Variants in FERMT1 observed in about 807,000 individuals in gnomAD.
FERMT1 encodes the protein FERM domain containing kindlin 1.
A neutral mutation model predicts 85.3 loss-of-function variants in FERMT1; 60 were observed. The ratio of observed to expected loss-of-function variants is 0.70; its 90% CI spans 0.57 to 0.87. The LOEUF (loss-of-function observed/expected upper bound fraction) is 0.87. Ranked by LOEUF, FERMT1 falls within the 40% of genes least tolerant of loss-of-function variation. The probability of loss-of-function intolerance (pLI) is 0.00; values close to 1 mark genes in which losing one functional copy is unlikely to be tolerated. For missense variants in FERMT1, 701 were observed against 818.9 expected (o/e 0.86, Z 1.76); for synonymous variants, 275 against 301.1 (o/e 0.91, Z 0.90).
At position 6,078,641 on chromosome 20, in the gene FERMT1, T is replaced by TG. The variant is rs201629384; in HGVS notation, c.1860+794_1860+795insC. ...CACCTGGCTAGTTCAGCGTTTTTTT[T>TG]TTTTGTTTTTTTTTTTTTTAATTTT... On this transcript the variant is annotated intron_variant, in intron 14 of 14. Transcript: ENST00000217289. Among the ~76,000 whole-genome samples the TG allele has an allele frequency of 7.5e-3, 1,039 of 139,172 alleles. 12 individuals carry two copies. Among genetic ancestry groups the TG allele is most frequent in the African/African-American group, 0.025 (984 of 39,010 alleles). The allele number at this position is 139,172 out of a possible 152,430, so 91.3% of individuals were successfully genotyped here.
rs773713545 is a variant in FERMT1 at position 6,110,408 on chromosome 20, C to A, written c.636G>T (p.Thr212=). Reference sequence around the variant, plus strand: ...ATGCGAGGATGCTGCAGTTTTGTTCCGTCAAAGGGCTGTCACTGAACCAAG... The same window carrying A: ...ATGCGAGGATGCTGCAGTTTTGTTCAGTCAAAGGGCTGTCACTGAACCAAG... The part of the protein sequence containing the change: ...TMTWFSDSPL[T]EQNCSILAFS... Residue 212 remains threonine (T), a synonymous_variant, in exon 5 of 15, where the codon ACG becomes ACT. Coordinates refer to ENST00000217289, the MANE Select transcript of FERMT1 (RefSeq NM_017671.5). 3.1e-6 allele frequency: 5 copies of A among 1,613,846 alleles called. No individual in the cohort carries two copies. Among genetic ancestry groups the A allele is most frequent in the Non-Finnish European group, 4.2e-6 (5 of 1,179,996 alleles).
intron 9 of FERMT1, among the ~76,000 whole-genome samples, chr20:6,090,615 G>A (rs1982329835): frequency 6.6e-6 from 1 of 152,010 alleles, no homozygotes; most frequent in African/African-American, 2.4e-5. Flanking sequence ...TTAGCCAGGC[G>A]TGGTGGTGTG....
intron 9 of FERMT1, 85 bp from the exon 10 acceptor site, chr20:6,089,174 G>T: frequency 7.4e-7 from 1 of 1,358,930 alleles, no homozygotes; most frequent in Non-Finnish European, 1.0e-6. Context: ...CAGATCAGAT[G>T]TTTGTGTCAA....
At chr20:6,092,159 T>C (rs993143857) in intron 9 of FERMT1, among the ~76,000 whole-genome samples, 2 of 152,198 alleles carry the variant, frequency 1.3e-5, no homozygotes, top group African/African-American at 4.8e-5. Context: ...TGCAACTACA[T>C]ATGTTAGGGC....
chr20:6,096,006 C>T (rs1198599221), intron 8 of FERMT1, among the ~76,000 whole-genome samples: 1 of 152,160 alleles, frequency 6.6e-6, no homozygotes, highest in African/African-American at 2.4e-5. Flanking sequence ...GTGAATTAAA[C>T]AGGAGGGGCA....
At position 6,087,041 on chromosome 20, in the gene FERMT1, A is replaced by G. The variant is rs141412201; in HGVS notation, c.1371+736T>C. 2.7e-3 allele frequency among the ~76,000 whole-genome samples: 417 copies of G among 152,172 alleles called. 2 individuals carry two copies. Among genetic ancestry groups the G allele is most frequent in the Non-Finnish European group, 4.6e-3 (316 of 67,988 alleles). On this transcript the variant is annotated intron_variant, in intron 11 of 14. Transcript: ENST00000217289. ...TCAGTCATGTCTTCTGCTTTGGCCAATGGAATGTGGGTGGAAGTGACAGTG... is the reference window on the plus strand; with the variant it reads ...TCAGTCATGTCTTCTGCTTTGGCCAGTGGAATGTGGGTGGAAGTGACAGTG...
intron 13 of FERMT1, among the ~76,000 whole-genome samples, chr20:6,081,471 G>C (rs1211049997): frequency 6.6e-6 from 1 of 152,152 alleles, no homozygotes; most frequent in Non-Finnish European, 1.5e-5. Flanking sequence ...GCTGCGGAGA[G>C]GGTAGCTGGT....
At chr20:6,087,547 G>C in intron 11 of FERMT1, 1 of 499,748 alleles carries the variant, frequency 2.0e-6, no homozygotes, top group South Asian at 1.8e-5. Context: ...CTGACCTCAG[G>C]TGATCTGCCC....
rs62200475 is a variant in FERMT1 at position 6,096,396 on chromosome 20, G to T, written c.1089+506C>A. Among the ~76,000 whole-genome samples, 478 of 152,284 alleles carry T rather than the reference G, an allele frequency of 3.1e-3. 3 individuals carry two copies. The highest frequency in any genetic ancestry group is 4.6e-3 in the Non-Finnish European group (313 of 68,034). On this transcript the variant is annotated intron_variant, in intron 8 of 14. Transcript: ENST00000217289. Reference sequence around the variant, plus strand: ...AAAAATTAGCCAGGCACAGTAGTGTGTGTCTGTAGTCCCAGCTACTCCGGA... The same window carrying T: ...AAAAATTAGCCAGGCACAGTAGTGTTTGTCTGTAGTCCCAGCTACTCCGGA...
intron 3 of FERMT1, among the ~76,000 whole-genome samples, chr20:6,113,648 T>A (rs1983021941): frequency 6.6e-6 from 1 of 152,140 alleles, no homozygotes; most frequent in East Asian, 1.9e-4. Flanking sequence ...ACAGCCCACA[T>A]ATTCCGGGAA....
rs1216021979 is a variant in FERMT1 at position 6,085,287 on chromosome 20, C to G, written c.1372G>C (p.Glu458Gln). The change falls in exon 12 of 15, where the codon GAG becomes CAG. Residue 458 changes from glutamate (E) to glutamine (Q), a missense_variant and splice_region_variant. Coordinates refer to ENST00000217289, the MANE Select transcript of FERMT1 (RefSeq NM_017671.5). ...GCCATCCATTGGGCGTATTGATTCT[C>G]CTGCAGCAAACAGAAGGTTGAGAAG... ...MNEMYLRCDH[E>Q]NQYAQWMAAC... 3 of 1,612,978 alleles carry G rather than the reference C, an allele frequency of 1.9e-6. No homozygotes were observed. Among genetic ancestry groups the G allele is most frequent in the Non-Finnish European group, 2.5e-6 (3 of 1,179,990 alleles).
At chr20:6,096,407 C>T (rs1982499946) in intron 8 of FERMT1, among the ~76,000 whole-genome samples, 1 of 152,148 alleles carries the variant, frequency 6.6e-6, no homozygotes, top group South Asian at 2.1e-4. Flanking sequence ...TGTCTGTAGT[C>T]CCAGCTACTC....
At position 6,087,606 on chromosome 20, in the gene FERMT1, G is replaced by A. The variant is rs980225596; in HGVS notation, c.1371+171C>T. 4.5e-6 allele frequency: 3 copies of A among 660,320 alleles called. No individual in the cohort carries two copies. The African/African-American group carries it at 5.3e-5, about 12-fold the overall frequency. The allele number at this position is 660,320 out of a possible 1,614,324, so 40.9% of individuals were successfully genotyped here. On this transcript the variant is annotated intron_variant, in intron 11 of 14. Transcript: ENST00000217289. ...GATTACAGGTGTGAGCCACTGCATG[G>A]CAAATGTTTATTGTTAGAATGTCAT...
At chr20:6,091,038 C>T (rs1221369186) in intron 9 of FERMT1, among the ~76,000 whole-genome samples, 1 of 151,432 alleles carries the variant, frequency 6.6e-6, no homozygotes, top group East Asian at 2.0e-4. Flanking sequence ...GTGGCGTGCA[C>T]CTGTAGTCCC....
intron 4 of FERMT1, among the ~76,000 whole-genome samples, chr20:6,111,266 T>C (rs942444526): frequency 6.6e-6 from 1 of 152,262 alleles, no homozygotes; most frequent in Non-Finnish European, 1.5e-5. Flanking sequence ...TTCAGTAGGC[T>C]GATGATTTAT....
chr20:6,097,876 G>A (rs1982553244), intron 6 of FERMT1, among the ~76,000 whole-genome samples: 1 of 151,176 alleles, frequency 6.6e-6, no homozygotes, highest in African/African-American at 2.4e-5. Context: ...GTACAGTAGT[G>A]CAATCTTGGC....
chr20:6,096,115 GA>G, intron 8 of FERMT1, among the ~76,000 whole-genome samples: 1 of 152,334 alleles, frequency 6.6e-6, no homozygotes, highest in Middle Eastern at 3.4e-3. Flanking sequence ...TTTGTCTCCT[GA>G]AGTCAAAAGC....
At position 6,081,145 on chromosome 20, in the gene FERMT1, G is replaced by A. The variant is rs1981983707; in HGVS notation, c.1719-1568C>T. The stretch of plus-strand genomic sequence containing the variant: ...CCTAAAAGAAAGTTAGCTAGGTGTG[G>A]TGGCTCACAAGTCGCAGCTACTTGG... On this transcript the variant is annotated intron_variant, in intron 13 of 14. Transcript: ENST00000217289. Among the ~76,000 whole-genome samples the A allele has an allele frequency of 1.3e-5, 2 of 152,078 alleles. 1 individual carries two copies. Among genetic ancestry groups the A allele is most frequent in the South Asian group, 4.2e-4 (2 of 4,812 alleles).
intron 6 of FERMT1, among the ~76,000 whole-genome samples, chr20:6,103,435 T>C (rs1461848949): frequency 6.6e-6 from 1 of 152,180 alleles, no homozygotes; most frequent in Non-Finnish European, 1.5e-5. Context: ...TATAAACACC[T>C]AGGAGTGGAT....
Sources: allele counts gnomAD v4.1 joint callset (sites outside exome capture counted in the v4.1 genomes callset), GRCh38; gene constraint gnomAD v4.1.1; transcripts MANE v1.5; gene names NCBI Gene and HGNC (gene_info 2026-07-23, HGNC 2026-07-21).